DYNC2H1: variants seen among roughly 807,000 people sequenced by gnomAD.
The protein encoded by DYNC2H1 is dynein cytoplasmic 2 heavy chain 1, also known as cytoplasmic dynein 2 heavy chain 1.
DYNC2H1 carries 410 observed loss-of-function variants against 570.0 expected under a neutral mutation model. The observed-to-expected ratio is 0.72, with a 90% CI of 0.66 to 0.78. DYNC2H1 has a LOEUF of 0.78. DYNC2H1 is among the 30% of genes least tolerant of loss of function. The pLI is 0.00. For synonymous variants in DYNC2H1, 1,688 were observed against 1,677.6 expected (o/e 1.01, Z -0.15); for missense variants, 4,865 against 5,046.4 (o/e 0.96, Z 1.09).
At chr11:103,386,949 A>T (rs1341111946) in intron 83 of DYNC2H1, among the ~76,000 whole-genome samples, 1 of 151,528 alleles carries the variant, frequency 6.6e-6, no homozygotes, top group Non-Finnish European at 1.5e-5. Context: ...TGAATAGTGC[A>T]GCAATAAACA....
intron 53 of DYNC2H1, among the ~76,000 whole-genome samples, chr11:103,210,682 G>A (rs141331427): frequency 1.3e-5 from 2 of 152,156 alleles, no homozygotes; most frequent in East Asian, 1.9e-4. Flanking sequence ...TTGCCCAGAC[G>A]GGCAGCTTGA....
At chr11:103,318,934 A>G (rs969659453) in intron 80 of DYNC2H1, among the ~76,000 whole-genome samples, 1 of 152,114 alleles carries the variant, frequency 6.6e-6, no homozygotes, top group Non-Finnish European at 1.5e-5. Context: ...ACTTTCCTGC[A>G]CTACGTGAAC....
intron 6 of DYNC2H1, among the ~76,000 whole-genome samples, chr11:103,120,158 T>C (rs565711655): frequency 6.6e-6 from 1 of 152,290 alleles, no homozygotes; most frequent in African/African-American, 2.4e-5. Context: ...AACAGTTTTT[T>C]AAACTGTGTT....
At chr11:103,303,899 A>G (rs1476369938) in intron 76 of DYNC2H1, among the ~76,000 whole-genome samples, 4 of 152,126 alleles carry the variant, frequency 2.6e-5, no homozygotes, top group African/African-American at 7.2e-5. Context: ...TGCTTTTATA[A>G]TAAATCACAG....
chr11:103,251,181 T>TA (rs762113012), intron 65 of DYNC2H1, among the ~76,000 whole-genome samples: 4 of 152,150 alleles, frequency 2.6e-5, no homozygotes, highest in Non-Finnish European at 5.9e-5. Flanking sequence ...GTTCTTGTTT[T>TA]AAATATTTTG....
intron 75 of DYNC2H1, among the ~76,000 whole-genome samples, chr11:103,295,231 C>A (rs1255871745): frequency 6.6e-6 from 1 of 152,204 alleles, no homozygotes; most frequent in Non-Finnish European, 1.5e-5. Flanking sequence ...CAGAGGACTT[C>A]CCTCTGGCCC....
intron 68 of DYNC2H1, 76 bp from the exon 69 acceptor site, chr11:103,257,532 G>A (rs1333379766): frequency 1.4e-6 from 2 of 1,382,622 alleles, no homozygotes; most frequent in African/African-American, 1.5e-5. Flanking sequence ...TATGTGCATT[G>A]TAGTCTTTAG....
At chr11:103,300,298 G>A (rs1866995206) in intron 75 of DYNC2H1, among the ~76,000 whole-genome samples, 1 of 151,818 alleles carries the variant, frequency 6.6e-6, no homozygotes, top group Non-Finnish European at 1.5e-5. Context: ...TTTTTTTGAA[G>A]GAAGTGCTGT....
In DYNC2H1 at chr11:103,399,847, T is replaced by C. The variant is rs1373634526; in HGVS notation, c.12341T>C (p.Leu4114Ser). Residue 4114 changes from leucine (L) to serine (S), a missense_variant, in exon 84 of 89, where the codon TTG becomes TCG. Leu to Ser is a moderately radical substitution (Grantham distance 145). Coordinates refer to ENST00000375735, the MANE Select transcript of DYNC2H1 (RefSeq NM_001377.3). ...TTLLSSEVQK[L>S]ASALLNQKCP... ...TTACTGAGTTCAGAAGTACAAAAAT[T>C]GGCAAGTGCTTTATTAAACCAAAAG... 12 of 1,613,638 alleles carry C rather than the reference T, an allele frequency of 7.4e-6. No individual in the cohort carries two copies. Among genetic ancestry groups the C allele is most frequent in the Non-Finnish European group, 1.0e-5 (12 of 1,179,800 alleles).
Position 103,154,462 on chromosome 11 carries a change from A to T in DYNC2H1, c.3314A>T (p.His1105Leu), listed in dbSNP as rs779587335. The change falls in exon 23 of 89, where the codon CAT becomes CTT. Residue 1105 changes from histidine to leucine, a missense_variant. His to Leu is a moderately conservative substitution (Grantham distance 99). This residue lies in a region of DYNC2H1 where 1,936 missense variants were observed against 1,962.1 expected (regional missense o/e 0.99). Coordinates refer to ENST00000375735, the MANE Select transcript of DYNC2H1 (RefSeq NM_001377.3). ...VTRKKLVDDC[H>L]HFRLEEPNFS... is the part of the protein sequence containing the mutation. The stretch of plus-strand genomic sequence containing the variant: ...ATTTGTTTCTATAGTGATGATTGCC[A>T]TCATTTTAGACTGGAAGAGCCTAAT... 6.5e-7 allele frequency: 1 copy of T among 1,536,064 alleles called. No homozygotes were observed. The highest frequency in any genetic ancestry group is 8.7e-7 in the Non-Finnish European group (1 of 1,145,300).
At chr11:103,374,462 C>A (rs572602345) in intron 83 of DYNC2H1, among the ~76,000 whole-genome samples, 1 of 152,054 alleles carries the variant, frequency 6.6e-6, no homozygotes, top group South Asian at 2.1e-4. Context: ...TACCCAAGAA[C>A]GTGGAAAGCA....
chr11:103,328,266 A>G (rs1938599656), intron 82 of DYNC2H1, among the ~76,000 whole-genome samples: 1 of 152,180 alleles, frequency 6.6e-6, no homozygotes, highest in Non-Finnish European at 1.5e-5. Flanking sequence ...TTACTTGAGT[A>G]CTTATTTTTT....
At chr11:103,412,343 T>A (rs1606668) in intron 84 of DYNC2H1, among the ~76,000 whole-genome samples, 77,149 of 151,970 alleles carry the variant, frequency 0.51, 19,864 homozygotes, top group African/African-American at 0.6. Context: ...AAAACTTTTT[T>A]AAATACACAA....
rs781721665 is a variant in DYNC2H1, at chr11:103,147,763, A to G, written c.2703-9A>G. 7 of 1,563,666 alleles carry G rather than the reference A, an allele frequency of 4.5e-6. No individual in the cohort carries two copies. Among genetic ancestry groups the G allele is most frequent in the East Asian group, 2.3e-5 (1 of 44,328 alleles). On this transcript the variant is annotated splice_polypyrimidine_tract_variant and intron_variant, in intron 18 of 88. Coordinates refer to ENST00000375735, the MANE Select transcript of DYNC2H1 (RefSeq NM_001377.3). The stretch of plus-strand genomic sequence containing the variant: ...TCCATGTCAAAATATGTCCATTGAC[A>G]TTTTTCAGTGCTGTCAAGGTAGATT...
chr11:103,288,928 C>A (rs1485530917), intron 75 of DYNC2H1, among the ~76,000 whole-genome samples: 1 of 150,982 alleles, frequency 6.6e-6, no homozygotes, highest in Non-Finnish European at 1.5e-5. Flanking sequence ...GGTCATGCAG[C>A]CTCGGGCTGC....
chr11:103,116,258 G>A (rs1262230403), intron 4 of DYNC2H1, among the ~76,000 whole-genome samples: 8 of 152,152 alleles, frequency 5.3e-5, no homozygotes, highest in Admixed American at 5.2e-4. Context: ...TAGTGTATAT[G>A]TGGAGTTGAG....
chr11:103,435,527 C>T (rs1944031379), intron 84 of DYNC2H1, among the ~76,000 whole-genome samples: 1 of 151,872 alleles, frequency 6.6e-6, no homozygotes, highest in South Asian at 2.1e-4. Context: ...TTTCATATGT[C>T]TCCATGTGGT....
In DYNC2H1 at chr11:103,369,685, C is replaced by T. The variant is rs918591422; in HGVS notation, c.12156+11326C>T. Among the ~76,000 whole-genome samples the T allele has an allele frequency of 3.3e-5, 5 of 152,168 alleles. No homozygotes were observed. Among genetic ancestry groups the T allele is most frequent in the Admixed American group, 6.5e-5 (1 of 15,278 alleles). ...AGCCCTTTTTCTAGGCCCTAGCTCC[C>T]GGGCAACATTCGTAGACACTCACTG... On this transcript the variant is annotated intron_variant, in intron 83 of 88. Coordinates refer to ENST00000375735, the MANE Select transcript of DYNC2H1 (RefSeq NM_001377.3). This position sits in a 1 kb window ranked among gnomAD's most constrained non-coding sequence, Gnocchi z 4.0.
chr11:103,283,850 G>A (rs773955798), intron 73 of DYNC2H1, among the ~76,000 whole-genome samples: 2 of 151,918 alleles, frequency 1.3e-5, no homozygotes, highest in Admixed American at 6.6e-5. Flanking sequence ...TGAAAAAAAG[G>A]GGGGGGAATT....
Sources: allele counts gnomAD v4.1 joint callset (sites outside exome capture counted in the v4.1 genomes callset), GRCh38; gene constraint gnomAD v4.1.1; regional missense constraint gnomAD v4.1.1; non-coding constraint Gnocchi (gnomAD v3.1); transcripts MANE v1.5; gene names NCBI Gene and HGNC (gene_info 2026-07-23, HGNC 2026-07-21).